ALK: variants seen among roughly 807,000 people sequenced by gnomAD.
The protein encoded by ALK is ALK receptor tyrosine kinase, also known as ALK tyrosine kinase receptor.
Under a neutral mutation model 163.1 loss-of-function variants are expected in ALK, and 74 were observed. The observed-to-expected ratio is 0.45, with a 90% CI of 0.38 to 0.55. The LOEUF is 0.55. ALK is among the 20% of genes least tolerant of loss of function. The pLI, the probability that ALK is intolerant of heterozygous loss-of-function variation, is 0.00. For synonymous variants in ALK, 960 were observed against 843.2 expected (o/e 1.14, Z -2.40); for missense variants, 2,063 against 2,105.3 (o/e 0.98, Z 0.39).
Position 29,214,105 on chromosome 2 carries a change from A to G in ALK, c.3646-24T>C, listed in dbSNP as rs745666115. ...CTCTGTGGGGAGACAGAAGCGGGCC[A>G]CTGACGAGGAGCTTGTCAGTGAGAG... On this transcript the variant is annotated intron_variant, in intron 23 of 28. Transcript: ENST00000389048. 13 of 1,599,116 alleles carry G rather than the reference A, an allele frequency of 8.1e-6. No individual in the cohort carries two copies. In the South Asian group the frequency reaches 1.4e-4, roughly 18 times the overall value.
rs955561064 is a variant in ALK, at chr2:29,820,620, G to A, written c.667+99373C>T. 1.6e-4 allele frequency among the ~76,000 whole-genome samples: 24 copies of A among 152,182 alleles called. 1 individual carries two copies. Among genetic ancestry groups the A allele is most frequent in the Admixed American group, 2.0e-4 (3 of 15,278 alleles). ...AGGGATCCAGCTGAAAAAGAAGCACGTCCCATGCCATGAGAGAAGATGAAG... is the reference window on the plus strand; with the variant it reads ...AGGGATCCAGCTGAAAAAGAAGCACATCCCATGCCATGAGAGAAGATGAAG... On this transcript the variant is annotated intron_variant, in intron 1 of 28. Coordinates refer to ENST00000389048, the MANE Select transcript of ALK (RefSeq NM_004304.5).
chr2:29,684,794 G>C (rs563306045), intron 3 of ALK, among the ~76,000 whole-genome samples: 1 of 152,316 alleles, frequency 6.6e-6, no homozygotes, highest in South Asian at 2.1e-4. Context: ...AGAAGAGCTT[G>C]TCATAATGGT....
At chr2:29,430,725 G>A (rs115674076) in intron 4 of ALK, among the ~76,000 whole-genome samples, 2 of 152,194 alleles carry the variant, frequency 1.3e-5, no homozygotes, top group Non-Finnish European at 2.9e-5. Flanking sequence ...GGTATAAAGA[G>A]AGCAATTAAT....
intron 3 of ALK, among the ~76,000 whole-genome samples, chr2:29,689,911 C>T (rs550488399): frequency 2.0e-5 from 3 of 152,292 alleles, no homozygotes; most frequent in African/African-American, 4.8e-5. Flanking sequence ...CAAGGATTCC[C>T]GGCAATGCCA....
chr2:29,228,940 C>T lies in ALK; in HGVS notation c.2759G>A (p.Gly920Asp), dbSNP rs746643773. ...GCACCCCCCTCCACCCCCTCCGAAA[C>T]CCCCTCTTGTCTCCCACCCCCACTT... ...MKKWGWETRG[G>D]FGGGGGGCSS... The change falls in exon 16 of 29, where the codon GGT becomes GAT. Residue 920 changes from glycine (G) to aspartate (D), a missense_variant. By Grantham distance (94) the Gly-to-Asp change is moderately conservative (BLOSUM62 -1). Transcript: ENST00000389048. 1.8e-5 allele frequency: 15 copies of T among 841,172 alleles called. No homozygotes were observed. Among genetic ancestry groups the T allele is most frequent in the Non-Finnish European group, 2.6e-5 (15 of 583,420 alleles). The allele number at this position is 841,172 out of a possible 1,614,324, so 52.1% of individuals were successfully genotyped here.
chr2:29,768,936 C>A (rs1480174177), intron 1 of ALK, among the ~76,000 whole-genome samples: 3 of 151,860 alleles, frequency 2.0e-5, no homozygotes, highest in Non-Finnish European at 2.9e-5. Context: ...TGGGCTCAAG[C>A]GATCCTCCCG....
intron 4 of ALK, among the ~76,000 whole-genome samples, chr2:29,505,499 T>G (rs1436222640): frequency 1.3e-5 from 2 of 152,174 alleles, no homozygotes; most frequent in Non-Finnish European, 2.9e-5. Context: ...CCAGCACTCC[T>G]GGTTCCATCA....
At position 29,225,463 on chromosome 2, in the gene ALK, A is replaced by G. The variant is rs747594544; in HGVS notation, c.3170T>C (p.Ile1057Thr). The change falls in exon 19 of 29, where the codon ATT becomes ACT. Residue 1057 changes from isoleucine to threonine, a missense_variant and splice_region_variant. This residue lies in a region of ALK where 575 missense variants were observed against 626.6 expected (regional missense o/e 0.92). Transcript: ENST00000389048. ...TCCCTGGGGCTCTGTGCACTCACCAATCATGATGCCGGAGAAAGCCAGGAC... is the reference window on the plus strand; with the variant it reads ...TCCCTGGGGCTCTGTGCACTCACCAGTCATGATGCCGGAGAAAGCCAGGAC... ...ALVLAFSGIMIVYRRKHQELQ... is the reference protein window; with the variant it reads ...ALVLAFSGIMTVYRRKHQELQ... 1.1e-5 allele frequency: 17 copies of G among 1,612,194 alleles called. No homozygotes were observed. The highest frequency in any genetic ancestry group is 6.7e-5 in the East Asian group (3 of 44,848).
In ALK at chr2:29,193,849, A is replaced by C. The variant is rs779318085; in HGVS notation, c.4238T>G (p.Val1413Gly). The change falls in exon 29 of 29, where the codon GTG becomes GGG. Residue 1413 changes from valine to glycine, a missense_variant. Around this residue, in one of 5 missense-constraint regions of ALK, gnomAD observed 403 missense variants for 366.2 expected, o/e 1.10. Coordinates refer to ENST00000389048, the MANE Select transcript of ALK (RefSeq NM_004304.5). The stretch of plus-strand genomic sequence containing the variant: ...AACCCCCTCAGGGTCCTTGGGCCTC[A>C]CAGGCACTTTCTCTTCCTCTTCCAC... Reference protein sequence around the residue: ...PLVEEEEKVPVRPKDPEGVPP... With the variant: ...PLVEEEEKVPGRPKDPEGVPP... 23 of 1,613,266 alleles carry C rather than the reference A, an allele frequency of 1.4e-5. No individual in the cohort carries two copies. The highest frequency in any genetic ancestry group is 4.0e-5 in the African/African-American group (3 of 74,842).
chr2:29,369,451 A>T (rs1164185589), intron 5 of ALK, among the ~76,000 whole-genome samples: 1 of 152,124 alleles, frequency 6.6e-6, no homozygotes, highest in East Asian at 1.9e-4. Context: ...ATGAAAAGAG[A>T]AGAATATTCC....
chr2:29,478,376 A>G (rs561799063), intron 4 of ALK, among the ~76,000 whole-genome samples: 2 of 152,296 alleles, frequency 1.3e-5, no homozygotes, highest in East Asian at 1.9e-4. Flanking sequence ...CTTCACATCT[A>G]TTGTCTGCCA....
intron 3 of ALK, among the ~76,000 whole-genome samples, chr2:29,586,993 G>C (rs935020257): frequency 6.6e-6 from 1 of 152,142 alleles, no homozygotes; most frequent in African/African-American, 2.4e-5. Context: ...AGGATGAGGT[G>C]GGTGTACCCT....
intron 12 of ALK, among the ~76,000 whole-genome samples, chr2:29,243,412 T>C (rs1664575740): frequency 6.6e-6 from 1 of 152,222 alleles, no homozygotes; most frequent in South Asian, 2.1e-4. Flanking sequence ...AAGGCTGTTA[T>C]GATAATTAAA....
intron 4 of ALK, among the ~76,000 whole-genome samples, chr2:29,502,622 A>G (rs923777640): frequency 2.0e-5 from 3 of 152,144 alleles, no homozygotes; most frequent in Non-Finnish European, 4.4e-5. Flanking sequence ...AACTTGGAGG[A>G]ACAGCACCGG....
At chr2:29,829,658 T>C (rs1665307683) in intron 1 of ALK, among the ~76,000 whole-genome samples, 1 of 152,106 alleles carries the variant, frequency 6.6e-6, no homozygotes, top group Non-Finnish European at 1.5e-5. Context: ...CTAAGGGGGG[T>C]AAAATATTCA....
At position 29,829,056 on chromosome 2, in the gene ALK, A is replaced by G. The variant is rs1665285465; in HGVS notation, c.667+90937T>C. ...TGGAAACCATCATTCTCAGCAAACT[A>G]TCGCAAGGACAAAAAACCAAACACC... On this transcript the variant is annotated intron_variant, in intron 1 of 28. Transcript: ENST00000389048. 1.3e-5 allele frequency among the ~76,000 whole-genome samples: 2 copies of G among 151,338 alleles called. 1 individual carries two copies. Among genetic ancestry groups the G allele is most frequent in the African/African-American group, 4.9e-5 (2 of 41,150 alleles).
chr2:29,600,109 T>G (rs1227461602), intron 3 of ALK, among the ~76,000 whole-genome samples: 1 of 152,160 alleles, frequency 6.6e-6, no homozygotes, highest in African/African-American at 2.4e-5. Context: ...AGCACAAGCC[T>G]GAATGGGAAC....
At chr2:29,240,095 G>C (rs1287430282) in intron 12 of ALK, among the ~76,000 whole-genome samples, 1 of 151,758 alleles carries the variant, frequency 6.6e-6, no homozygotes, top group East Asian at 1.9e-4. Context: ...AGAGGAAAAG[G>C]GCAGGGAGGA....
intron 3 of ALK, among the ~76,000 whole-genome samples, chr2:29,692,159 T>C (rs914725473): frequency 1.3e-5 from 2 of 152,184 alleles, no homozygotes; most frequent in African/African-American, 4.8e-5. Context: ...AAATTGAAGC[T>C]GCAATGGGAT....
Sources: gnomAD v4.1 joint callset for allele counts (sites outside exome capture counted in the v4.1 genomes callset) on GRCh38, gnomAD v4.1.1 for gene constraint, gnomAD v4.1.1 regional missense constraint, MANE v1.5 for transcripts, NCBI Gene and HGNC (gene_info 2026-07-23, HGNC 2026-07-21) for gene names.